Variants in BCAS1 observed in about 807,000 individuals in gnomAD.
BCAS1 encodes the protein breast carcinoma-amplified sequence 1.
In BCAS1, 46 loss-of-function variants were observed where a neutral mutation model predicts 65.4. The ratio of observed to expected loss-of-function variants is 0.70; its 90% CI spans 0.55 to 0.90. The LOEUF is 0.90. BCAS1 is among the 40% of genes least tolerant of loss of function. The pLI, the probability that BCAS1 is intolerant of heterozygous loss-of-function variation, is 0.00. For missense variants in BCAS1, 793 were observed against 771.2 expected (o/e 1.03, Z -0.33); for synonymous variants, 298 against 293.5 (o/e 1.02, Z -0.16).
intron 1 of BCAS1, among the ~76,000 whole-genome samples, chr20:54,068,703 G>A (rs2146396205): frequency 6.6e-6 from 1 of 152,250 alleles, no homozygotes; most frequent in South Asian, 2.1e-4. Context: ...AGAAAGCTAC[G>A]GGGAGGCACA....
chr20:53,977,102 C>T (rs60682239), intron 8 of BCAS1, among the ~76,000 whole-genome samples: 2,706 of 152,086 alleles, frequency 0.018, 87 homozygotes, highest in African/African-American at 0.062. Flanking sequence ...CAAGAGAGAG[C>T]GAAGGGAGAA....
chr20:53,976,624 G>T (rs1457767037), intron 8 of BCAS1, among the ~76,000 whole-genome samples: 1 of 152,194 alleles, frequency 6.6e-6, no homozygotes, highest in African/African-American at 2.4e-5. Flanking sequence ...TAAACAGCTA[G>T]AAAGTGGTGG....
chr20:53,952,969 T>G (rs914834526), intron 12 of BCAS1, among the ~76,000 whole-genome samples: 4 of 151,978 alleles, frequency 2.6e-5, no homozygotes, highest in African/African-American at 9.7e-5. Flanking sequence ...TATAATATAA[T>G]GTAAATAAAA....
At chr20:53,989,731 C>T (rs1473085367) in intron 7 of BCAS1, among the ~76,000 whole-genome samples, 4 of 152,144 alleles carry the variant, frequency 2.6e-5, no homozygotes, top group African/African-American at 7.2e-5. Flanking sequence ...GTTTGCGTTA[C>T]AGAGGAGACT....
At chr20:53,950,956 C>T (rs1054290332) in intron 12 of BCAS1, among the ~76,000 whole-genome samples, 1 of 152,094 alleles carries the variant, frequency 6.6e-6, no homozygotes, top group Non-Finnish European at 1.5e-5. Context: ...TTTTAATACC[C>T]CTGGTCTAGC....
Position 54,066,197 on chromosome 20 carries a change from C to T in BCAS1, c.-6+4236G>A, listed in dbSNP as rs375507313. On this transcript the variant is annotated intron_variant, in intron 1 of 12. Transcript: ENST00000688948. The stretch of plus-strand genomic sequence containing the variant: ...ACACCATTCTCCTGCCTCAGTCTCC[C>T]GAGTAGCTGGGACTACAGGCGCCTG... Among the ~76,000 whole-genome samples, 1,009 of 152,176 alleles carry T rather than the reference C, an allele frequency of 6.6e-3. 8 individuals carry two copies. The highest frequency in any genetic ancestry group is 0.017 in the African/African-American group (703 of 41,522).
chr20:54,060,377 A>G (rs544969529), intron 1 of BCAS1, among the ~76,000 whole-genome samples: 1 of 152,272 alleles, frequency 6.6e-6, no homozygotes, highest in Non-Finnish European at 1.5e-5. Flanking sequence ...CAGTGGTGCA[A>G]TCTCGGCTCA....
chr20:53,985,071 T>C (rs901429466), intron 8 of BCAS1, among the ~76,000 whole-genome samples: 1 of 152,188 alleles, frequency 6.6e-6, no homozygotes, highest in African/African-American at 2.4e-5. Context: ...GTTCATTTCC[T>C]TTTCTTCCCC....
chr20:53,999,883 C>T (rs1029853194), intron 4 of BCAS1, among the ~76,000 whole-genome samples: 4 of 152,076 alleles, frequency 2.6e-5, no homozygotes, highest in African/African-American at 9.7e-5. Context: ...GTGTGTGCCA[C>T]CATGCCTGTC....
At chr20:54,007,320 G>C (rs1388435156) in intron 4 of BCAS1, among the ~76,000 whole-genome samples, 1 of 152,204 alleles carries the variant, frequency 6.6e-6, no homozygotes, top group Non-Finnish European at 1.5e-5. Flanking sequence ...GTCAGCTGAA[G>C]GGACTAGGAA....
intron 6 of BCAS1, among the ~76,000 whole-genome samples, chr20:53,994,607 A>G (rs1425694711): frequency 6.6e-6 from 1 of 152,190 alleles, no homozygotes; most frequent in Non-Finnish European, 1.5e-5. Context: ...TTTAGAGTCC[A>G]CGTCCTACTG....
chr20:54,050,667 G>A (rs1344963385), intron 3 of BCAS1, among the ~76,000 whole-genome samples: 2 of 152,156 alleles, frequency 1.3e-5, no homozygotes, highest in African/African-American at 4.8e-5. Context: ...CGAGGCCAAC[G>A]TGTCATCTCA....
chr20:53,958,752 C>A (rs567347998), intron 10 of BCAS1, among the ~76,000 whole-genome samples: 1 of 152,126 alleles, frequency 6.6e-6, no homozygotes, highest in Non-Finnish European at 1.5e-5. Context: ...TATGTCAGAA[C>A]CTTAAGATAG....
chr20:53,983,651 G>A (rs934230966), intron 8 of BCAS1, among the ~76,000 whole-genome samples: 2 of 152,122 alleles, frequency 1.3e-5, no homozygotes, highest in East Asian at 1.9e-4. Flanking sequence ...TCTCCCTGGG[G>A]GCTCCTACCA....
chr20:53,995,209 C>T (rs555621095), intron 5 of BCAS1, among the ~76,000 whole-genome samples, 153 bp from the exon 6 acceptor site: 6 of 152,178 alleles, frequency 3.9e-5, no homozygotes, highest in East Asian at 1.9e-4. Context: ...ATCTCAGGAC[C>T]GCCGGGTAAT....
At chr20:53,998,712 A>C (rs2090982583) in intron 4 of BCAS1, among the ~76,000 whole-genome samples, 1 of 152,242 alleles carries the variant, frequency 6.6e-6, no homozygotes, top group Non-Finnish European at 1.5e-5. Flanking sequence ...TAAGCATTAC[A>C]TGTACACCAG....
At chr20:54,056,069 C>G (rs1027609379) in intron 3 of BCAS1, among the ~76,000 whole-genome samples, 3 of 152,116 alleles carry the variant, frequency 2.0e-5, no homozygotes, top group African/African-American at 7.2e-5. Context: ...AAGGTACATA[C>G]TTTCACTCAT....
At chr20:54,046,885 C>T (rs1299543388) in intron 3 of BCAS1, among the ~76,000 whole-genome samples, 1 of 150,734 alleles carries the variant, frequency 6.6e-6, no homozygotes, top group African/African-American at 2.4e-5. Context: ...AGGATAGGAT[C>T]AGCTTATTTC....
At chr20:54,051,079 T>C (rs1261134535) in intron 3 of BCAS1, among the ~76,000 whole-genome samples, 3 of 152,170 alleles carry the variant, frequency 2.0e-5, no homozygotes, top group Non-Finnish European at 4.4e-5. Context: ...TCTCCTTTCT[T>C]ATTGGTGGGA....
Sources: gnomAD v4.1 joint callset for allele counts (sites outside exome capture counted in the v4.1 genomes callset) on GRCh38, gnomAD v4.1.1 for gene constraint, MANE v1.5 for transcripts, NCBI Gene and HGNC (gene_info 2026-07-23, HGNC 2026-07-21) for gene names.